MMRN1: variants seen among roughly 807,000 people sequenced by gnomAD.
The protein encoded by MMRN1 is multimerin 1, also known as multimerin-1.
In MMRN1, 94 loss-of-function variants were observed where a neutral mutation model predicts 100.7. The ratio of observed to expected loss-of-function variants is 0.93; its 90% CI spans 0.79 to 1.11. The LOEUF (loss-of-function observed/expected upper bound fraction) is 1.11, where lower values mean the gene tolerates loss of function less well. MMRN1 is among the 50% of genes least tolerant of loss of function. The pLI is 0.00. For synonymous variants in MMRN1, 575 were observed against 505.0 expected (o/e 1.14, Z -1.86); for missense variants, 1,606 against 1,439.1 (o/e 1.12, Z -1.88).
intron 1 of MMRN1, among the ~76,000 whole-genome samples, chr4:89,908,854 C>T (rs1721651416): frequency 6.6e-6 from 1 of 151,316 alleles, no homozygotes; most frequent in East Asian, 1.9e-4. Flanking sequence ...AGTTCTTTCT[C>T]TTCTTTTTTG....
chr4:89,922,683 A>G (rs1245723454), intron 3 of MMRN1, among the ~76,000 whole-genome samples: 1 of 152,104 alleles, frequency 6.6e-6, no homozygotes, highest in Non-Finnish European at 1.5e-5. Context: ...GAAACAATCC[A>G]TTTAAGTGGC....
rs201932336 is a variant in MMRN1 at position 89,951,753 on chromosome 4, T to TA, written c.3265+11dup. 4.7e-4 allele frequency: 751 copies of TA among 1,593,490 alleles called. No individual in the cohort carries two copies. The highest frequency in any genetic ancestry group is 1.0e-3 in the Middle Eastern group (6 of 5,976). On this transcript the variant is annotated splice_region_variant and intron_variant, in intron 7 of 7. Coordinates refer to ENST00000264790, the MANE Select transcript of MMRN1 (RefSeq NM_007351.3). Reference sequence around the variant, plus strand: ...TGGAAGAAAATGCTTTAGCTCCAGGTAAAAAAAAAGTATACGCATCTTTGG... The same window carrying TA: ...TGGAAGAAAATGCTTTAGCTCCAGGTAAAAAAAAAAGTATACGCATCTTTGG...
Position 89,895,048 on chromosome 4 carries a change from C to CT in MMRN1, c.79dup (p.Trp27LeufsTer5). ...ATTGGGCTTAACAACAGTAAGCATT[C>CT]TTGGACTATACCTGAGGATGGGAAC... On this transcript the variant is annotated frameshift_variant, in exon 1 of 8. Transcript: ENST00000264790. LOFTEE classifies it high-confidence loss of function. The CT allele has an allele frequency of 6.2e-7, 1 of 1,613,906 alleles. No individual in the cohort carries two copies. The highest frequency in any genetic ancestry group is 2.2e-5 in the East Asian group (1 of 44,862).
At chr4:89,947,459 T>C (rs1006919605) in intron 6 of MMRN1, among the ~76,000 whole-genome samples, 5 of 152,206 alleles carry the variant, frequency 3.3e-5, no homozygotes, top group Admixed American at 3.3e-4. Context: ...AAAACTACTT[T>C]AGTATTTTCT....
upstream of MMRN1, chr4:89,894,669 T>G: frequency 4.3e-6 from 1 of 234,258 alleles, no homozygotes; most frequent in Admixed American, 5.2e-5. Context: ...TTACTTCATA[T>G]TTTTTCATGG....
At chr4:89,908,435 G>A (rs1721639183) in intron 1 of MMRN1, among the ~76,000 whole-genome samples, 1 of 151,392 alleles carries the variant, frequency 6.6e-6, no homozygotes, top group Non-Finnish European at 1.5e-5. Context: ...AAGATTTGTT[G>A]TGAAAATTCA....
At position 89,947,156 on chromosome 4, in the gene MMRN1, C is replaced by T. The variant is rs1170971534; in HGVS notation, c.3119-4449C>T. ...AAATAGCCTGGCATGGTGGTGCACA[C>T]CTGTAGTCCCAGCTACTTGGGAGGC... On this transcript the variant is annotated intron_variant, in intron 6 of 7. Coordinates refer to ENST00000264790, the MANE Select transcript of MMRN1 (RefSeq NM_007351.3). Among the ~76,000 whole-genome samples the T allele has an allele frequency of 2.0e-5, 3 of 152,248 alleles. No individual in the cohort carries two copies. The East Asian group carries it at 5.8e-4, about 29-fold the overall frequency.
intron 1 of MMRN1, among the ~76,000 whole-genome samples, chr4:89,906,409 AGTACAT>A (rs1321903253): frequency 1.3e-5 from 2 of 151,526 alleles, no homozygotes; most frequent in African/African-American, 4.8e-5. Flanking sequence ...GCTTTTTTTC[AGTACAT>A]GTTGCTGCAC....
At chr4:89,917,090 CGTGTGTGTGTTT>C (rs977973349) in intron 3 of MMRN1, among the ~76,000 whole-genome samples, 22 of 151,372 alleles carry the variant, frequency 1.5e-4, no homozygotes, top group African/African-American at 5.1e-4. Context: ...CACACATCCT[CGTGTGTGTGTTT>C]GTGTGTGTGT....
Position 89,927,909 on chromosome 4 carries a change from C to T in MMRN1, c.1070C>T (p.Ser357Phe). 1.9e-6 allele frequency: 3 copies of T among 1,610,482 alleles called. No individual in the cohort carries two copies. Among genetic ancestry groups the T allele is most frequent in the Non-Finnish European group, 2.5e-6 (3 of 1,178,358 alleles). The change falls in exon 5 of 8, where the codon TCC becomes TTC. Residue 357 changes from serine (S) to phenylalanine (F), a missense_variant. Ser to Phe is a radical substitution (Grantham distance 155, BLOSUM62 -2). Transcript: ENST00000264790. ...GTGAATGATGTAAGGAACACTTACT[C>T]CTCCCTAGAAGGAAAAGTCAGCGAA... ...LTVNDVRNTYSSLEGKVSEDK... is the reference protein window; with the variant it reads ...LTVNDVRNTYFSLEGKVSEDK...
At chr4:89,889,941 T>C (rs1032150563), upstream of MMRN1, among the ~76,000 whole-genome samples, 3 of 152,116 alleles carry the variant, frequency 2.0e-5, no homozygotes, top group Non-Finnish European at 2.9e-5. Flanking sequence ...TCTTGCCTTA[T>C]CTCTAGCCTT....
intron 1 of MMRN1, among the ~76,000 whole-genome samples, chr4:89,889,256 A>G (rs1384581085): frequency 6.6e-6 from 1 of 152,176 alleles, no homozygotes; most frequent in African/African-American, 2.4e-5. Flanking sequence ...AGAGCTCTTT[A>G]TCCTTGACAA....
intron 3 of MMRN1, among the ~76,000 whole-genome samples, chr4:89,913,028 AACCAGG>A: frequency 6.6e-6 from 1 of 151,304 alleles, no homozygotes; most frequent in African/African-American, 2.4e-5. Flanking sequence ...CTTCATTTAT[AACCAGG>A]TAAAATAAAC....
intron 7 of MMRN1, 103 bp downstream of exon 7, chr4:89,951,854 T>C: frequency 7.0e-6 from 9 of 1,293,902 alleles, no homozygotes; most frequent in Non-Finnish European, 9.5e-6. Flanking sequence ...TTAATCTGGA[T>C]CCACTTGACA....
intron 5 of MMRN1, 76 bp downstream of exon 5, chr4:89,928,044 CT>C (rs1560591334): frequency 8.4e-7 from 1 of 1,193,534 alleles, no homozygotes. Context: ...TCTTACATCA[CT>C]TTGGGATCTT....
At chr4:89,924,489 A>G (rs148483218) in intron 4 of MMRN1, among the ~76,000 whole-genome samples, 2,053 of 151,978 alleles carry the variant, frequency 0.014, 72 homozygotes, top group Admixed American at 0.063. Flanking sequence ...AATTACCTTC[A>G]AACCTATCAT....
intron 3 of MMRN1, among the ~76,000 whole-genome samples, chr4:89,918,640 T>C (rs1258429363): frequency 6.6e-6 from 1 of 151,962 alleles, no homozygotes; most frequent in Non-Finnish European, 1.5e-5. Flanking sequence ...TTCAAGTGTT[T>C]ACTTGATAAC....
rs551676953 is a variant in MMRN1, at chr4:89,946,248, G to A, written c.3119-5357G>A. On this transcript the variant is annotated intron_variant, in intron 6 of 7. Coordinates refer to ENST00000264790, the MANE Select transcript of MMRN1 (RefSeq NM_007351.3). ...TGTTGTGTGGGCATGTTACCTAGGA[G>A]CAGATTTGTGTAATGCTTTCATCTG... Among the ~76,000 whole-genome samples, 160 of 152,106 alleles carry A rather than the reference G, an allele frequency of 1.1e-3. 1 individual carries two copies. The highest frequency in any genetic ancestry group is 2.1e-3 in the Non-Finnish European group (141 of 68,002).
At chr4:89,885,183 G>A (rs1203843761) in intron 1 of MMRN1, among the ~76,000 whole-genome samples, 1 of 121,094 alleles carries the variant, frequency 8.3e-6, no homozygotes, top group African/African-American at 3.2e-5. Context: ...TCTCTTTTCT[G>A]TCTCTGTCTC....
Sources: gnomAD v4.1 joint callset for allele counts (sites outside exome capture counted in the v4.1 genomes callset) on GRCh38, gnomAD v4.1.1 for gene constraint, MANE v1.5 for transcripts, NCBI Gene and HGNC (gene_info 2026-07-23, HGNC 2026-07-21) for gene names.